Variants in DGKI observed in about 807,000 individuals in gnomAD.
DGKI encodes the protein diacylglycerol kinase iota.
A neutral mutation model predicts 147.5 loss-of-function variants in DGKI; 55 were observed. The observed-to-expected ratio is 0.37, with a 90% CI of 0.30 to 0.47. DGKI has a LOEUF of 0.47. Among genes scored for constraint, DGKI ranks in the 20% least tolerant of loss-of-function variants. The probability of loss-of-function intolerance (pLI) is 1.00; values close to 1 mark genes in which losing one functional copy is unlikely to be tolerated. For synonymous variants in DGKI, 469 were observed against 477.1 expected, an observed-to-expected ratio of 0.98 and a Z score of 0.22; for missense variants, 1,007 against 1,323.8, an observed-to-expected ratio of 0.76 and a Z score of 3.71.
intron 31 of DGKI, 163 bp from the exon 32 acceptor site, chr7:137,395,860 A>C (rs576951622): frequency 1.7e-6 from 1 of 581,288 alleles, no homozygotes; most frequent in African/African-American, 1.9e-5. Context: ...GGGATTTCTA[A>C]AAATTCCTTG....
In DGKI at chr7:137,729,438, A is replaced by C. The variant is rs546958316; in HGVS notation, c.402-39436T>G. 3.9e-5 allele frequency among the ~76,000 whole-genome samples: 6 copies of C among 152,140 alleles called. 1 individual carries two copies. In the South Asian group the frequency reaches 8.3e-4, roughly 21 times the overall value. ...AATAAGGGCATCTGCTTTGTGCCCA[A>C]AAGTCTCCTAGCAAAGAGACTCCAA... On this transcript the variant is annotated intron_variant, in intron 1 of 32. Coordinates refer to ENST00000614521, the MANE Select transcript of DGKI (RefSeq NM_001321708.2).
At chr7:137,533,885 A>G (rs1817427855) in intron 20 of DGKI, among the ~76,000 whole-genome samples, 1 of 152,108 alleles carries the variant, frequency 6.6e-6, no homozygotes. Flanking sequence ...ATAACTTTGG[A>G]ACTTGGTGAA....
rs200473628 is a variant in DGKI, at chr7:137,564,360, C to T, written c.1947+6815G>A. Among the ~76,000 whole-genome samples, 42 of 152,154 alleles carry T rather than the reference C, an allele frequency of 2.8e-4. No individual in the cohort carries two copies. In the East Asian group the frequency reaches 7.5e-3, roughly 27 times the overall value. ...AGGAAGCACACAAAAAGCTCTAATA[C>T]AAATTAAGCCTTTTTCATAAAATTG... On this transcript the variant is annotated intron_variant, in intron 19 of 32. Transcript: ENST00000614521.
rs575768687 is a variant in DGKI, at chr7:137,518,774, C to T, written c.2248+3092G>A. On this transcript the variant is annotated intron_variant, in intron 21 of 32. Transcript: ENST00000614521. ...TATCTCAGATTTTTAAAAAATATAT[C>T]ATGTGTCAGTGAATCTCTTCTGGGG... Among the ~76,000 whole-genome samples, 16 of 152,096 alleles carry T rather than the reference C, an allele frequency of 1.1e-4. No individual in the cohort carries two copies. The East Asian group carries it at 2.5e-3, about 24-fold the overall frequency.
At chr7:137,562,644 C>G (rs1413353350) in intron 19 of DGKI, among the ~76,000 whole-genome samples, 1 of 152,120 alleles carries the variant, frequency 6.6e-6, no homozygotes, top group African/African-American at 2.4e-5. Context: ...ATCCTACAAA[C>G]AGTAAAATAT....
intron 1 of DGKI, among the ~76,000 whole-genome samples, chr7:137,810,079 C>T (rs1030004012): frequency 6.6e-6 from 1 of 152,194 alleles, no homozygotes; most frequent in African/African-American, 2.4e-5. Context: ...CTGAGGTCCC[C>T]TGTGCTGCTG....
At chr7:137,573,816 G>A (rs1818875222) in intron 17 of DGKI, among the ~76,000 whole-genome samples, 1 of 152,212 alleles carries the variant, frequency 6.6e-6, no homozygotes, top group African/African-American at 2.4e-5. Context: ...TGGCTTCCCT[G>A]ATCTGCTAGC....
intron 28 of DGKI, among the ~76,000 whole-genome samples, chr7:137,441,666 T>G (rs1417182742): frequency 6.6e-6 from 1 of 152,172 alleles, no homozygotes; most frequent in Non-Finnish European, 1.5e-5. Flanking sequence ...CAAGAATAAG[T>G]TCTTGTCTTA....
At chr7:137,620,761 A>T (rs1466215164) in intron 7 of DGKI, among the ~76,000 whole-genome samples, 1 of 152,212 alleles carries the variant, frequency 6.6e-6, no homozygotes, top group East Asian at 1.9e-4. Context: ...CAAGTTTTCA[A>T]CCATCTTTTG....
Position 137,481,572 on chromosome 7 carries a change from A to G in DGKI, c.2373+3802T>C, listed in dbSNP as rs530099363. Among the ~76,000 whole-genome samples, 5 of 152,226 alleles carry G rather than the reference A, an allele frequency of 3.3e-5. No homozygotes were observed. In the South Asian group the frequency reaches 1.0e-3, roughly 32 times the overall value. ...TAGGCAGGAATTTTCAACAGGCTATAAATATCTAACACATTCTTGTATAAC... is the reference window on the plus strand; with the variant it reads ...TAGGCAGGAATTTTCAACAGGCTATGAATATCTAACACATTCTTGTATAAC... On this transcript the variant is annotated intron_variant, in intron 23 of 32. Coordinates refer to ENST00000614521, the MANE Select transcript of DGKI (RefSeq NM_001321708.2).
At chr7:137,783,785 G>T (rs539139554) in intron 1 of DGKI, among the ~76,000 whole-genome samples, 2 of 152,324 alleles carry the variant, frequency 1.3e-5, no homozygotes, top group South Asian at 4.1e-4. Flanking sequence ...TTTCTTAGCA[G>T]AAACCATATA....
chr7:137,687,212 T>C (rs759843378), intron 2 of DGKI, among the ~76,000 whole-genome samples: 12 of 152,192 alleles, frequency 7.9e-5, no homozygotes, highest in African/African-American at 2.4e-4. Context: ...CTTAGCACTA[T>C]TGGGGCCCTC....
At chr7:137,541,236 T>TGTGTGTGCGTATAC (rs1470646409) in intron 20 of DGKI, among the ~76,000 whole-genome samples, 15 of 152,212 alleles carry the variant, frequency 9.9e-5, no homozygotes, top group Non-Finnish European at 1.8e-4. Flanking sequence ...TCTGTGTGTC[T>TGTGTGTGCGTATAC]GTGTGTGCGT....
chr7:137,397,538 C>T, intron 30 of DGKI, 125 bp from the exon 31 acceptor site: 2 of 852,946 alleles, frequency 2.3e-6, no homozygotes, highest in South Asian at 1.6e-5. Flanking sequence ...AATAATAAGA[C>T]AGAAAGAAAA....
intron 10 of DGKI, among the ~76,000 whole-genome samples, chr7:137,608,533 A>G (rs925180763): frequency 1.3e-5 from 2 of 152,232 alleles, no homozygotes; most frequent in Non-Finnish European, 2.9e-5. Flanking sequence ...ATCATGGCTC[A>G]TGAATCATCC....
intron 1 of DGKI, among the ~76,000 whole-genome samples, chr7:137,811,622 CCT>C (rs1337462451): frequency 6.6e-6 from 1 of 152,150 alleles, no homozygotes; most frequent in African/African-American, 2.4e-5. Context: ...TGCAGCATCC[CCT>C]GATTGATCAG....
At chr7:137,537,229 A>G (rs1377719240) in intron 20 of DGKI, among the ~76,000 whole-genome samples, 1 of 152,188 alleles carries the variant, frequency 6.6e-6, no homozygotes, top group Non-Finnish European at 1.5e-5. Context: ...GGCAAAGTTT[A>G]GCATCTTCCT....
At chr7:137,563,205 C>G (rs541084374) in intron 19 of DGKI, among the ~76,000 whole-genome samples, 2 of 151,844 alleles carry the variant, frequency 1.3e-5, no homozygotes, top group African/African-American at 4.8e-5. Context: ...AAATACACCA[C>G]TCATTTGTGA....
At chr7:137,651,868 G>A (rs1358465757) in intron 5 of DGKI, among the ~76,000 whole-genome samples, 1 of 152,072 alleles carries the variant, frequency 6.6e-6, no homozygotes, top group South Asian at 2.1e-4. Context: ...TTGAGAGACT[G>A]GATAAGGAAA....
Sources: allele counts gnomAD v4.1 joint callset (sites outside exome capture counted in the v4.1 genomes callset), GRCh38; gene constraint gnomAD v4.1.1; transcripts MANE v1.5; gene names NCBI Gene and HGNC (gene_info 2026-07-23, HGNC 2026-07-21).